Variants in GPR158 observed in about 807,000 individuals in gnomAD.
The protein encoded by GPR158 is G protein-coupled receptor 158, also known as metabotropic glycine receptor.
A neutral mutation model predicts 78.2 loss-of-function variants in GPR158; 30 were observed. That is an observed-to-expected ratio of 0.38 (90% CI 0.29 to 0.52). The LOEUF is 0.52. GPR158 is among the 20% of genes least tolerant of loss of function. GPR158 has a pLI of 0.83. For synonymous variants in GPR158, 581 were observed against 591.1 expected (o/e 0.98, Z 0.25); for missense variants, 1,463 against 1,523.5 (o/e 0.96, Z 0.66).
At chr10:25,551,112 C>G in intron 6 of GPR158, 27 bp downstream of exon 6, 1 of 1,248,222 alleles carries the variant, frequency 8.0e-7, no homozygotes, top group Non-Finnish European at 1.2e-6. Context: ...CATCGTCATT[C>G]TCATGGAAAG....
chr10:25,490,679 A>G (rs963139048), intron 5 of GPR158, among the ~76,000 whole-genome samples: 1 of 141,152 alleles, frequency 7.1e-6, no homozygotes, highest in African/African-American at 2.7e-5. Flanking sequence ...CATTTTCTTA[A>G]TCCAGTCTAT....
intron 2 of GPR158, among the ~76,000 whole-genome samples, chr10:25,321,745 C>T (rs1244837682): frequency 6.6e-6 from 1 of 152,020 alleles, no homozygotes; most frequent in African/African-American, 2.4e-5. Flanking sequence ...TTCATTGAGC[C>T]TGCCTAGAAT....
chr10:25,492,140 C>G (rs1024707919), intron 5 of GPR158, among the ~76,000 whole-genome samples: 1 of 151,838 alleles, frequency 6.6e-6, no homozygotes, highest in Admixed American at 6.6e-5. Flanking sequence ...AAAGAGAGAG[C>G]AAGAAGATGC....
intron 5 of GPR158, among the ~76,000 whole-genome samples, chr10:25,495,295 CTTTTTTTT>C (rs71399976): frequency 8.8e-5 from 8 of 91,096 alleles, no homozygotes; most frequent in Admixed American, 3.2e-4. Flanking sequence ...TTCTTTTCTG[CTTTTTTTT>C]TTTTTTTTTT....
At chr10:25,401,517 G>T (rs1269252924) in intron 3 of GPR158, among the ~76,000 whole-genome samples, 2 of 152,012 alleles carry the variant, frequency 1.3e-5, no homozygotes, top group African/African-American at 2.4e-5. Context: ...ATGGGCTGTG[G>T]ACTGAGATAT....
intron 4 of GPR158, among the ~76,000 whole-genome samples, chr10:25,458,396 GTTC>G (rs755568075): frequency 6.6e-6 from 1 of 152,118 alleles, no homozygotes; most frequent in Non-Finnish European, 1.5e-5. Flanking sequence ...TACATATTCT[GTTC>G]TTGTTACTTT....
chr10:25,461,653 G>A (rs1291055816), intron 4 of GPR158, among the ~76,000 whole-genome samples: 4 of 151,998 alleles, frequency 2.6e-5, no homozygotes, highest in Non-Finnish European at 5.9e-5. Flanking sequence ...GATCATCAAT[G>A]AAGGTAGCTA....
chr10:25,236,694 G>A (rs148705996), intron 2 of GPR158, among the ~76,000 whole-genome samples: 38 of 151,878 alleles, frequency 2.5e-4, no homozygotes, highest in African/African-American at 8.4e-4. Flanking sequence ...TTGAGTCCTA[G>A]AGTTGCTCTC....
chr10:25,230,183 A>T (rs764624008), intron 2 of GPR158, among the ~76,000 whole-genome samples: 3 of 152,232 alleles, frequency 2.0e-5, no homozygotes, highest in Admixed American at 6.5e-5. Flanking sequence ...GTTAATCAGA[A>T]CAAAGATAAG....
At chr10:25,244,856 T>TA (rs1463523387) in intron 2 of GPR158, 4 of 151,856 alleles carry the variant, frequency 2.6e-5, no homozygotes, top group East Asian at 1.9e-4. Context: ...TTTTTTTTTT[T>TA]AATTCTTGAC....
chr10:25,243,042 C>G (rs1334059), intron 2 of GPR158, among the ~76,000 whole-genome samples: 70 of 152,238 alleles, frequency 4.6e-4, no homozygotes, highest in African/African-American at 1.6e-3. Context: ...GCATACAGCA[C>G]CAGACAATGG....
At chr10:25,360,236 G>A (rs976207606) in intron 2 of GPR158, among the ~76,000 whole-genome samples, 2 of 151,938 alleles carry the variant, frequency 1.3e-5, no homozygotes, top group African/African-American at 4.8e-5. Flanking sequence ...TTCTTTTGCT[G>A]TGCAGTTCTT....
intron 4 of GPR158, among the ~76,000 whole-genome samples, chr10:25,447,218 CATAT>C (rs1020828965): frequency 6.6e-6 from 1 of 152,090 alleles, no homozygotes; most frequent in East Asian, 1.9e-4. Flanking sequence ...AATGAGTACA[CATAT>C]ATATTTTATT....
At chr10:25,379,933 T>C (rs1449907850) in intron 2 of GPR158, among the ~76,000 whole-genome samples, 5 of 151,560 alleles carry the variant, frequency 3.3e-5, no homozygotes, top group Middle Eastern at 3.4e-3. Flanking sequence ...CCATTTTGGC[T>C]TCACATAAGC....
At chr10:25,315,095 G>A (rs947048001) in intron 2 of GPR158, among the ~76,000 whole-genome samples, 2 of 151,804 alleles carry the variant, frequency 1.3e-5, no homozygotes, top group Non-Finnish European at 1.5e-5. Flanking sequence ...AGATGAAAGT[G>A]AGTTATATAG....
intron 5 of GPR158, among the ~76,000 whole-genome samples, chr10:25,508,249 A>C (rs61549511): frequency 1.2e-4 from 19 of 152,266 alleles, no homozygotes; most frequent in Non-Finnish European, 2.2e-4. Context: ...GCAATCTGCA[A>C]ATCAGGGAAA....
intron 2 of GPR158, among the ~76,000 whole-genome samples, chr10:25,226,993 T>C (rs1853381411): frequency 6.6e-6 from 1 of 152,350 alleles, no homozygotes; most frequent in Non-Finnish European, 1.5e-5. Flanking sequence ...ATATCACCAC[T>C]GTATGGATGC....
At chr10:25,475,576 CAAGTTTAT>C (rs1387744608) in intron 5 of GPR158, 1 of 152,034 alleles carries the variant, frequency 6.6e-6, no homozygotes, top group Non-Finnish European at 1.5e-5. Context: ...TTTATGGAAA[CAAGTTTAT>C]AAGTTTTGCC....
At chr10:25,373,355 G>T (rs1834030703) in intron 2 of GPR158, among the ~76,000 whole-genome samples, 1 of 151,886 alleles carries the variant, frequency 6.6e-6, no homozygotes, top group South Asian at 2.1e-4. Flanking sequence ...CTTAGTACCT[G>T]GGTGGCCAAA....
Sources: allele counts gnomAD v4.1 joint callset (sites outside exome capture counted in the v4.1 genomes callset), GRCh38; gene constraint gnomAD v4.1.1; transcripts MANE v1.5; gene names NCBI Gene and HGNC (gene_info 2026-07-23, HGNC 2026-07-21).